The following NEK7 variants were observed in gnomAD, a reference collection of about 807,000 sequenced individuals.
NEK7 encodes serine/threonine-protein kinase Nek7.
In NEK7, 18 loss-of-function variants were observed where a neutral mutation model predicts 44.6. That is an observed-to-expected ratio of 0.40 (90% CI 0.28 to 0.60). The LOEUF is 0.60. NEK7 is among the 20% of genes least tolerant of loss of function. The probability of loss-of-function intolerance (pLI) is 0.38; values close to 1 mark genes in which losing one functional copy is unlikely to be tolerated. For synonymous variants in NEK7, 130 were observed against 121.1 expected, an observed-to-expected ratio of 1.07 and a Z score of -0.48; for missense variants, 256 against 366.5, an observed-to-expected ratio of 0.70 and a Z score of 2.46.
intron 1 of NEK7, among the ~76,000 whole-genome samples, chr1:198,199,906 A>G (rs541931095): frequency 6.6e-6 from 1 of 152,104 alleles, no homozygotes; most frequent in African/African-American, 2.4e-5. Context: ...CTTTTTGTTC[A>G]TTCAGTGTCA....
chr1:198,255,423 C>G (rs1653222130), intron 3 of NEK7, among the ~76,000 whole-genome samples: 1 of 151,974 alleles, frequency 6.6e-6, no homozygotes, highest in African/African-American at 2.4e-5. Context: ...GTGTGGAAAA[C>G]AGGGCTCAAT....
intron 1 of NEK7, among the ~76,000 whole-genome samples, chr1:198,165,389 TA>T (rs1216411284): frequency 6.6e-6 from 1 of 152,244 alleles, no homozygotes; most frequent in Non-Finnish European, 1.5e-5. Context: ...TATTCTTAGA[TA>T]AGAAGACTTG....
chr1:198,319,313 T>G, intron 9 of NEK7, 99 bp from the exon 10 acceptor site: 4 of 683,942 alleles, frequency 5.8e-6, no homozygotes, highest in East Asian at 2.6e-5. Context: ...AAATGTACTT[T>G]CCTTGTAAAA....
chr1:198,312,800 GA>G (rs1655232144), intron 9 of NEK7, among the ~76,000 whole-genome samples: 1 of 151,880 alleles, frequency 6.6e-6, no homozygotes, highest in African/African-American at 2.4e-5. Flanking sequence ...TGTGGTCTGA[GA>G]GATAGTTTGT....
intron 1 of NEK7, among the ~76,000 whole-genome samples, chr1:198,222,035 T>C (rs930653878): frequency 5.3e-5 from 8 of 151,910 alleles, no homozygotes; most frequent in Non-Finnish European, 1.0e-4. Flanking sequence ...ATATGAATTA[T>C]GAAAATTCAG....
intron 5 of NEK7, among the ~76,000 whole-genome samples, chr1:198,273,418 T>A (rs1439371057): frequency 6.6e-6 from 1 of 151,684 alleles, no homozygotes. Flanking sequence ...CAAAGAAAAA[T>A]GTTTCCATAG....
At chr1:198,176,692 G>C (rs1273790403) in intron 1 of NEK7, among the ~76,000 whole-genome samples, 3 of 152,062 alleles carry the variant, frequency 2.0e-5, no homozygotes, top group African/African-American at 4.8e-5. Context: ...ATGAGGGTCT[G>C]GGATAAACAG....
intron 1 of NEK7, among the ~76,000 whole-genome samples, chr1:198,168,072 C>T (rs1310909278): frequency 6.6e-6 from 1 of 152,182 alleles, no homozygotes; most frequent in African/African-American, 2.4e-5. Flanking sequence ...TTGTTTATGA[C>T]CATTTCCCCT....
At chr1:198,175,572 G>A (rs1407249239) in intron 1 of NEK7, among the ~76,000 whole-genome samples, 2 of 152,182 alleles carry the variant, frequency 1.3e-5, no homozygotes, top group African/African-American at 4.8e-5. Context: ...CAGTTTGGTT[G>A]TCATGATTTT....
chr1:198,294,008 T>C (rs1281468065), intron 8 of NEK7, among the ~76,000 whole-genome samples: 1 of 151,952 alleles, frequency 6.6e-6, no homozygotes, highest in East Asian at 1.9e-4. Context: ...ATTTTAATTG[T>C]ACCACCATTA....
intron 1 of NEK7, among the ~76,000 whole-genome samples, chr1:198,169,740 T>C (rs1482735909): frequency 6.6e-6 from 1 of 152,214 alleles, no homozygotes; most frequent in Non-Finnish European, 1.5e-5. Flanking sequence ...GCTCAAGTAC[T>C]ATACAAAAAA....
At chr1:198,195,037 G>T (rs1478005714) in intron 1 of NEK7, among the ~76,000 whole-genome samples, 1 of 152,098 alleles carries the variant, frequency 6.6e-6, no homozygotes, top group East Asian at 1.9e-4. Context: ...ACTTTGACTG[G>T]TGTGAGACGA....
At chr1:198,167,683 G>T (rs1373638863) in intron 1 of NEK7, among the ~76,000 whole-genome samples, 1 of 152,130 alleles carries the variant, frequency 6.6e-6, no homozygotes, top group Non-Finnish European at 1.5e-5. Flanking sequence ...AGGGGCAAAA[G>T]CTCTTTGCCT....
intron 1 of NEK7, among the ~76,000 whole-genome samples, chr1:198,190,898 T>C (rs58084764): frequency 0.15 from 22,641 of 152,026 alleles, 1,865 homozygotes; most frequent in East Asian, 0.22. Context: ...ATTAGATAAA[T>C]AGTAAAGAGG....
chr1:198,252,044 G>A (rs1653023187), intron 2 of NEK7, among the ~76,000 whole-genome samples: 1 of 151,936 alleles, frequency 6.6e-6, no homozygotes, highest in Non-Finnish European at 1.5e-5. Context: ...ACACTGCTTT[G>A]AATGTGTCCC....
intron 9 of NEK7, among the ~76,000 whole-genome samples, chr1:198,301,617 A>C (rs2103020595): frequency 6.6e-6 from 1 of 152,354 alleles, no homozygotes; most frequent in South Asian, 2.1e-4. Flanking sequence ...GATTTGGAAG[A>C]AAGTTCTGTA....
chr1:198,278,332 A>G (rs931087684), intron 6 of NEK7, among the ~76,000 whole-genome samples: 3 of 151,474 alleles, frequency 2.0e-5, no homozygotes. Flanking sequence ...AAATATATAT[A>G]AGGAAGAGTT....
intron 2 of NEK7, among the ~76,000 whole-genome samples, chr1:198,246,955 T>G (rs1210840129): frequency 6.6e-6 from 1 of 152,244 alleles, no homozygotes; most frequent in South Asian, 2.1e-4. Context: ...TAGGAAATCA[T>G]AGACAATTTA....
In NEK7 at chr1:198,180,174, C is replaced by T. The variant is rs538590359; in HGVS notation, c.-29+22898C>T. ...TCACGGCCAGAGAGAATCATGATTT[C>T]TACACCTCCCTTTTTTTTTTTGGTG... On this transcript the variant is annotated intron_variant, in intron 1 of 9. Coordinates refer to ENST00000367385, the MANE Select transcript of NEK7 (RefSeq NM_133494.3). 3.3e-5 allele frequency among the ~76,000 whole-genome samples: 5 copies of T among 151,392 alleles called. No individual in the cohort carries two copies. The East Asian group carries it at 9.7e-4, about 29-fold the overall frequency.
Sources: gnomAD v4.1 joint callset for allele counts (sites outside exome capture counted in the v4.1 genomes callset) on GRCh38, gnomAD v4.1.1 for gene constraint, MANE v1.5 for transcripts, NCBI Gene and HGNC (gene_info 2026-07-23, HGNC 2026-07-21) for gene names.